The following MEI4 variants were observed in gnomAD, a reference collection of about 807,000 sequenced individuals.
MEI4 encodes meiosis-specific protein MEI4.
A neutral mutation model predicts 31.4 loss-of-function variants in MEI4; 27 were observed. The observed-to-expected ratio is 0.86, with a 90% CI of 0.63 to 1.19. MEI4 has a LOEUF of 1.19. Ranked by LOEUF, MEI4 falls within the 50% of genes most tolerant of loss-of-function variation. The probability of loss-of-function intolerance (pLI) is 0.00; values close to 1 mark genes in which losing one functional copy is unlikely to be tolerated. For synonymous variants in MEI4, 122 were observed against 145.4 expected (o/e 0.84, Z 1.16); for missense variants, 329 against 398.9 (o/e 0.82, Z 1.49).
chr6:77,858,942 G>A (rs1028742456), intron 4 of MEI4, among the ~76,000 whole-genome samples: 7 of 149,742 alleles, frequency 4.7e-5, no homozygotes, highest in South Asian at 2.1e-4. Context: ...TGTGTAAAAC[G>A]TGCAGGTTTG....
chr6:77,693,064 T>C (rs1769188255), intron 2 of MEI4, among the ~76,000 whole-genome samples: 1 of 152,016 alleles, frequency 6.6e-6, no homozygotes, highest in South Asian at 2.1e-4. Context: ...AAGGTGCACA[T>C]ATATGCTGTG....
At chr6:77,756,599 C>A in intron 2 of MEI4, among the ~76,000 whole-genome samples, 1 of 150,618 alleles carries the variant, frequency 6.6e-6, no homozygotes, top group Non-Finnish European at 1.5e-5. Context: ...TTCTCTCTTT[C>A]TCTCCCTCCC....
intron 4 of MEI4, among the ~76,000 whole-genome samples, chr6:77,892,198 C>A (rs1765978093): frequency 6.6e-6 from 1 of 152,094 alleles, no homozygotes; most frequent in African/African-American, 2.4e-5. Context: ...TCTGTGCAAG[C>A]CACCCCCTAC....
chr6:77,821,565 A>G (rs7770182), intron 3 of MEI4, among the ~76,000 whole-genome samples: 45,906 of 151,760 alleles, frequency 0.3, 7,107 homozygotes, highest in East Asian at 0.48. Context: ...GGAGGCCGAG[A>G]CAGGTGGATC....
intron 2 of MEI4, among the ~76,000 whole-genome samples, chr6:77,730,017 C>T (rs1279132926): frequency 6.6e-6 from 1 of 151,902 alleles, no homozygotes; most frequent in Admixed American, 6.6e-5. Context: ...TGGCCAAGAG[C>T]TGAGGTCAAA....
At chr6:77,914,193 T>A (rs1008373359) in intron 4 of MEI4, among the ~76,000 whole-genome samples, 2 of 152,044 alleles carry the variant, frequency 1.3e-5, no homozygotes, top group African/African-American at 4.8e-5. Context: ...TATCATTAGA[T>A]TGTTTGAAAT....
At chr6:77,815,050 A>T (rs1165910913) in intron 3 of MEI4, among the ~76,000 whole-genome samples, 1 of 152,066 alleles carries the variant, frequency 6.6e-6, no homozygotes, top group African/African-American at 2.4e-5. Context: ...TACTGTGACT[A>T]CTGTGTAGGA....
intron 4 of MEI4, among the ~76,000 whole-genome samples, chr6:77,854,539 T>G (rs1770702664): frequency 6.6e-6 from 1 of 151,702 alleles, no homozygotes; most frequent in African/African-American, 2.4e-5. Flanking sequence ...AAACATATGG[T>G]TGGAGATAAA....
At chr6:77,787,733 AC>A (rs1768782746) in intron 3 of MEI4, among the ~76,000 whole-genome samples, 1 of 152,226 alleles carries the variant, frequency 6.6e-6, no homozygotes, top group South Asian at 2.1e-4. Context: ...TCTAAAAATT[AC>A]CTGAAAAAAT....
chr6:77,836,711 T>G (rs1220511429), intron 4 of MEI4, among the ~76,000 whole-genome samples: 2 of 152,086 alleles, frequency 1.3e-5, no homozygotes, highest in Non-Finnish European at 2.9e-5. Context: ...CATGAAACAG[T>G]TCACCTATTT....
intron 4 of MEI4, among the ~76,000 whole-genome samples, chr6:77,841,115 A>G (rs763911280): frequency 1.3e-5 from 2 of 151,806 alleles, no homozygotes; most frequent in African/African-American, 2.4e-5. Context: ...ATAATAGACC[A>G]TGTTGCTTTT....
chr6:77,732,744 G>A (rs538282154), intron 2 of MEI4, among the ~76,000 whole-genome samples: 2 of 152,166 alleles, frequency 1.3e-5, no homozygotes, highest in Admixed American at 1.3e-4. Flanking sequence ...TGCCCATTCA[G>A]TATGATATTG....
intron 4 of MEI4, among the ~76,000 whole-genome samples, chr6:77,835,333 C>T (rs993818268): frequency 1.1e-4 from 16 of 145,866 alleles, no homozygotes; most frequent in Non-Finnish European, 2.1e-4. Flanking sequence ...GCACTCCAGC[C>T]TGGGCAACAA....
chr6:77,891,694 A>T (rs549301351), intron 4 of MEI4, among the ~76,000 whole-genome samples: 2 of 152,080 alleles, frequency 1.3e-5, no homozygotes, highest in African/African-American at 4.8e-5. Flanking sequence ...TTGCTTTTTC[A>T]TATTTTCATG....
intron 3 of MEI4, among the ~76,000 whole-genome samples, chr6:77,778,586 C>T (rs1036791315): frequency 3.3e-5 from 5 of 151,890 alleles, no homozygotes; most frequent in Non-Finnish European, 1.5e-5. Context: ...TCTGTAGTCT[C>T]AGCTACCTGG....
Position 77,892,345 on chromosome 6 carries a change from T to C in MEI4, c.901-30744T>C, listed in dbSNP as rs116190098. 9.4e-3 allele frequency among the ~76,000 whole-genome samples: 1,426 copies of C among 152,198 alleles called. 18 individuals are homozygous for C. Among genetic ancestry groups the C allele is most frequent in the African/African-American group, 0.032 (1,326 of 41,508 alleles). On this transcript the variant is annotated intron_variant, in intron 4 of 4. Coordinates refer to ENST00000684080, the MANE Select transcript of MEI4 (RefSeq NM_001322247.2). ...TTGATCTCTAGGCTCCTAGACATTATGCATAGGTGTCACTGCAAGAGGCTG... is the reference window on the plus strand; with the variant it reads ...TTGATCTCTAGGCTCCTAGACATTACGCATAGGTGTCACTGCAAGAGGCTG...
At chr6:77,775,424 AACAT>A (rs1485551460) in intron 3 of MEI4, among the ~76,000 whole-genome samples, 5 of 152,054 alleles carry the variant, frequency 3.3e-5, no homozygotes, top group African/African-American at 1.2e-4. Context: ...TATGAGTGAG[AACAT>A]ACAATGTCTG....
chr6:77,710,520 CAAAAAA>C (rs1198470708), intron 2 of MEI4, among the ~76,000 whole-genome samples: 1,117 of 57,726 alleles, frequency 0.019, 16 homozygotes, highest in Non-Finnish European at 0.024. Flanking sequence ...GACTCCATCT[CAAAAAA>C]AAAAAAAAAA....
intron 3 of MEI4, among the ~76,000 whole-genome samples, chr6:77,812,827 T>C (rs1769607300): frequency 1.3e-5 from 2 of 152,036 alleles, no homozygotes; most frequent in African/African-American, 4.8e-5. Flanking sequence ...TAAAATGTGT[T>C]GATTAAGCAA....
Sources: gnomAD v4.1 joint callset for allele counts (sites outside exome capture counted in the v4.1 genomes callset) on GRCh38, gnomAD v4.1.1 for gene constraint, MANE v1.5 for transcripts, NCBI Gene and HGNC (gene_info 2026-07-23, HGNC 2026-07-21) for gene names.